Variants in LRSAM1 observed in about 807,000 individuals in gnomAD.
LRSAM1 encodes the protein E3 ubiquitin-protein ligase LRSAM1.
In LRSAM1, 96 loss-of-function variants were observed where a neutral mutation model predicts 118.1. That is an observed-to-expected ratio of 0.81 (90% CI 0.69 to 0.96). The LOEUF (loss-of-function observed/expected upper bound fraction) is 0.96, where lower values mean the gene tolerates loss of function less well. Among genes scored for constraint, LRSAM1 ranks in the 40% least tolerant of loss-of-function variants. The pLI is 0.00. For synonymous variants in LRSAM1, 322 were observed against 364.2 expected (o/e 0.88, Z 1.32); for missense variants, 804 against 915.5 (o/e 0.88, Z 1.57).
chr9:127,455,720 C>G (rs1376393385), intron 5 of LRSAM1, 100 bp downstream of exon 5: 4 of 1,101,052 alleles, frequency 3.6e-6, no homozygotes, highest in Admixed American at 1.7e-5. Flanking sequence ...GTAGACACCT[C>G]CTTTCTCTCT....
At chr9:127,479,324 T>C in intron 12 of LRSAM1, 59 bp from the exon 13 acceptor site, 1 of 1,613,148 alleles carries the variant, frequency 6.2e-7, no homozygotes, top group South Asian at 1.1e-5. Flanking sequence ...TCTCCCGACT[T>C]CTGTGTCCTA....
chr9:127,488,813 A>C (rs1835824599), intron 18 of LRSAM1, among the ~76,000 whole-genome samples: 1 of 151,340 alleles, frequency 6.6e-6, no homozygotes, highest in Non-Finnish European at 1.5e-5. Flanking sequence ...CTGGTCTCAA[A>C]CTCCTGGGCT....
chr9:127,486,920 C>T lies in LRSAM1; in HGVS notation c.1260-756C>T, dbSNP rs372178158. On this transcript the variant is annotated intron_variant, in intron 17 of 25. Coordinates refer to ENST00000300417, the MANE Select transcript of LRSAM1 (RefSeq NM_001005373.4). Reference sequence around the variant, plus strand: ...GATGGTGGCTGGGCGCAGTGGCTCACGTCTGTAATCCCAGCACTTTGGGAG... The same window carrying T: ...GATGGTGGCTGGGCGCAGTGGCTCATGTCTGTAATCCCAGCACTTTGGGAG... Among the ~76,000 whole-genome samples, 10 of 151,792 alleles carry T rather than the reference C, an allele frequency of 6.6e-5. No homozygotes were observed. In the East Asian group the frequency reaches 9.7e-4, roughly 15 times the overall value.
intron 24 of LRSAM1, among the ~76,000 whole-genome samples, chr9:127,498,643 T>G (rs1836247702): frequency 6.6e-6 from 1 of 152,190 alleles, no homozygotes; most frequent in African/African-American, 2.4e-5. Flanking sequence ...TTCCTGCTTG[T>G]GCCCATTGGC....
At position 127,466,516 on chromosome 9, in the gene LRSAM1, TTTTTTTTTTTTTTTC is replaced by T. The variant is rs1392311665; in HGVS notation, c.529-1223_529-1209del. On this transcript the variant is annotated intron_variant, in intron 9 of 25. Transcript: ENST00000300417. Reference sequence around the variant, plus strand: ...TATATATATATATATTTTTTTTTTTTTTTTTTTTTTTTTTCCACTAGAGATGGGGTCTCGCTATGT... The same window carrying T: ...TATATATATATATATTTTTTTTTTTTCACTAGAGATGGGGTCTCGCTATGT... Among the ~76,000 whole-genome samples the T allele has an allele frequency of 5.7e-4, 47 of 82,462 alleles. 2 individuals carry two copies. Among genetic ancestry groups the T allele is most frequent in the East Asian group, 4.5e-3 (13 of 2,878 alleles). 54.1% of individuals were successfully genotyped at this position (82,462 alleles called of 152,430 possible). A position where few individuals can be genotyped will look rare whatever the true frequency, so the allele number is the denominator to read the frequency against.
chr9:127,494,950 T>C (rs543263976), intron 21 of LRSAM1, among the ~76,000 whole-genome samples: 1 of 152,168 alleles, frequency 6.6e-6, no homozygotes, highest in African/African-American at 2.4e-5. Flanking sequence ...ATTTTGGTTT[T>C]GTTTTGTTTT....
At chr9:127,452,901 G>A (rs1834377069) in intron 2 of LRSAM1, among the ~76,000 whole-genome samples, 1 of 152,200 alleles carries the variant, frequency 6.6e-6, no homozygotes. Context: ...TGGGCAGGCA[G>A]TGAGCACCTG....
intron 7 of LRSAM1, 49 bp from the exon 8 acceptor site, chr9:127,461,124 G>C: frequency 1.3e-6 from 2 of 1,482,768 alleles, no homozygotes; most frequent in Non-Finnish European, 1.9e-6. Flanking sequence ...AAAGTGCTGG[G>C]ATTACAGGCA....
rs575994840 is a variant in LRSAM1, at chr9:127,464,381, G to A, written c.528+2008G>A. Among the ~76,000 whole-genome samples the A allele has an allele frequency of 4.6e-5, 5 of 109,798 alleles. No individual in the cohort carries two copies. In the South Asian group the frequency reaches 8.5e-4, roughly 19 times the overall value. The allele number at this position is 109,798 out of a possible 152,430, so 72.0% of individuals were successfully genotyped here. On this transcript the variant is annotated intron_variant, in intron 9 of 25. Coordinates refer to ENST00000300417, the MANE Select transcript of LRSAM1 (RefSeq NM_001005373.4). ...ACCTGGTGACCGTGCTGTCCAGAGC[G>A]GCGGCCACTGGCCACGTGTATCTAT...
At chr9:127,471,207 G>C (rs1835153691) in intron 10 of LRSAM1, among the ~76,000 whole-genome samples, 1 of 152,038 alleles carries the variant, frequency 6.6e-6, no homozygotes, top group Admixed American at 6.6e-5. Context: ...GGCCGAACAA[G>C]GTGGCTCACG....
chr9:127,489,099 T>C (rs546021897), intron 18 of LRSAM1, among the ~76,000 whole-genome samples: 9 of 152,280 alleles, frequency 5.9e-5, no homozygotes, highest in Admixed American at 5.2e-4. Flanking sequence ...TGTGGTTAAG[T>C]GGGGCTCGGG....
At chr9:127,491,067 C>G in intron 19 of LRSAM1, 148 bp from the exon 20 acceptor site, 1 of 735,630 alleles carries the variant, frequency 1.4e-6, no homozygotes, top group South Asian at 1.5e-5. Context: ...GACGAGGTTC[C>G]CAGGCCCGCA....
chr9:127,494,911 C>T (rs1836066314), intron 21 of LRSAM1, among the ~76,000 whole-genome samples: 1 of 152,166 alleles, frequency 6.6e-6, no homozygotes, highest in South Asian at 2.1e-4. Flanking sequence ...GCTGTCCACC[C>T]GCTCAGAGGA....
chr9:127,492,965 T>G, intron 21 of LRSAM1, 68 bp downstream of exon 21: 3 of 1,275,048 alleles, frequency 2.4e-6, no homozygotes. Flanking sequence ...CTTGCCATTT[T>G]TAGAAACACC....
chr9:127,479,818 G>A (rs377206145), intron 13 of LRSAM1, 21 bp from the exon 14 acceptor site: 30 of 1,610,450 alleles, frequency 1.9e-5, no homozygotes, highest in Non-Finnish European at 2.2e-5. Context: ...AGGGGCTCAG[G>A]ACCCCTACCT....
chr9:127,470,462 C>T (rs995382283), intron 10 of LRSAM1, among the ~76,000 whole-genome samples: 1 of 151,998 alleles, frequency 6.6e-6, no homozygotes. Context: ...GCCCCCAACA[C>T]GTGGGGATTA....
chr9:127,456,026 A>C (rs1834502840), intron 5 of LRSAM1, among the ~76,000 whole-genome samples: 1 of 152,096 alleles, frequency 6.6e-6, no homozygotes, highest in Non-Finnish European at 1.5e-5. Context: ...TGTTAGTAAT[A>C]ATAGAAACTC....
At chr9:127,469,953 A>T (rs1324462239) in intron 10 of LRSAM1, among the ~76,000 whole-genome samples, 1 of 152,212 alleles carries the variant, frequency 6.6e-6, no homozygotes, top group Non-Finnish European at 1.5e-5. Context: ...ATACAGAGCA[A>T]GACTCCATCT....
chr9:127,490,478 C>T (rs1046536376), intron 19 of LRSAM1, among the ~76,000 whole-genome samples: 6 of 152,018 alleles, frequency 3.9e-5, no homozygotes. Flanking sequence ...ATCCCCTAGA[C>T]ACACCCTGGA....
Sources: gnomAD v4.1 joint callset for allele counts (sites outside exome capture counted in the v4.1 genomes callset) on GRCh38, gnomAD v4.1.1 for gene constraint, MANE v1.5 for transcripts, NCBI Gene and HGNC (gene_info 2026-07-23, HGNC 2026-07-21) for gene names.